Variants in LPGAT1 observed in about 807,000 individuals in gnomAD.
The protein encoded by LPGAT1 is acyl-CoA:lysophosphatidylglycerol acyltransferase 1.
LPGAT1 carries 11 observed loss-of-function variants against 47.5 expected under a neutral mutation model. The ratio of observed to expected loss-of-function variants is 0.23; its 90% CI spans 0.15 to 0.38. The LOEUF (loss-of-function observed/expected upper bound fraction) is 0.38, where lower values mean the gene tolerates loss of function less well. Among genes scored for constraint, LPGAT1 ranks in the 10% least tolerant of loss-of-function variants. LPGAT1 has a pLI of 1.00. For synonymous variants in LPGAT1, 138 were observed against 144.2 expected, an observed-to-expected ratio of 0.96 and a Z score of 0.31; for missense variants, 293 against 439.0, an observed-to-expected ratio of 0.67 and a Z score of 2.97.
At chr1:211,755,575 G>A (rs989178285) in intron 6 of LPGAT1, among the ~76,000 whole-genome samples, 4 of 151,416 alleles carry the variant, frequency 2.6e-5, no homozygotes, top group Admixed American at 1.3e-4. Flanking sequence ...AAAGAAGGAA[G>A]GAGTGTGGCA....
chr1:211,752,786 G>A (rs1052789464), intron 6 of LPGAT1, among the ~76,000 whole-genome samples: 7 of 152,164 alleles, frequency 4.6e-5, no homozygotes, highest in African/African-American at 1.7e-4. Context: ...TTGGAATACT[G>A]ACTTCCAATT....
intron 3 of LPGAT1, among the ~76,000 whole-genome samples, chr1:211,791,009 A>T (rs1272399646): frequency 6.6e-6 from 1 of 152,204 alleles, no homozygotes; most frequent in Non-Finnish European, 1.5e-5. Context: ...CAAAATTTTA[A>T]CGTCATGAAC....
At chr1:211,828,985 G>A in intron 2 of LPGAT1, 74 bp downstream of exon 2, 2 of 1,477,104 alleles carry the variant, frequency 1.4e-6, no homozygotes, top group Admixed American at 1.9e-5. Context: ...TCAACCCAAA[G>A]TGTAATATAC....
chr1:211,759,998 G>C (rs1245631169), intron 6 of LPGAT1, among the ~76,000 whole-genome samples: 1 of 152,182 alleles, frequency 6.6e-6, no homozygotes, highest in Non-Finnish European at 1.5e-5. Flanking sequence ...ATTTTCATTA[G>C]CAACTTGTGA....
At chr1:211,827,903 C>T (rs569531391) in intron 2 of LPGAT1, among the ~76,000 whole-genome samples, 6 of 152,282 alleles carry the variant, frequency 3.9e-5, no homozygotes, top group East Asian at 3.9e-4. Context: ...TAAATAAATG[C>T]CACTGCCTGA....
intron 6 of LPGAT1, among the ~76,000 whole-genome samples, chr1:211,757,546 G>A (rs552294301): frequency 2.0e-5 from 3 of 152,244 alleles, no homozygotes; most frequent in South Asian, 2.1e-4. Context: ...AGGTTTTTTG[G>A]GTTCAGCAAT....
chr1:211,782,305 ATCT>A (rs1227030305), intron 5 of LPGAT1, among the ~76,000 whole-genome samples: 1 of 152,206 alleles, frequency 6.6e-6, no homozygotes, highest in Non-Finnish European at 1.5e-5. Context: ...ATTATAAATA[ATCT>A]GTAATAAACT....
At chr1:211,815,773 C>CTTT (rs938719098) in intron 2 of LPGAT1, among the ~76,000 whole-genome samples, 129 of 101,840 alleles carry the variant, frequency 1.3e-3, no homozygotes, top group East Asian at 2.1e-3. Flanking sequence ...AAATGCTTTT[C>CTTT]TTTTTTTTTT....
chr1:211,827,414 C>A (rs564951598), intron 2 of LPGAT1, among the ~76,000 whole-genome samples: 1 of 152,312 alleles, frequency 6.6e-6, no homozygotes, highest in African/African-American at 2.4e-5. Context: ...CCACTGCACT[C>A]CCAATCTCAA....
Position 211,806,230 on chromosome 1 carries a change from A to C in LPGAT1, c.239-13040T>G, listed in dbSNP as rs937163055. On this transcript the variant is annotated intron_variant, in intron 2 of 7. Coordinates refer to ENST00000366997, the MANE Select transcript of LPGAT1 (RefSeq NM_014873.3). ...AGCCGAGATTGAGCCACTGTATTAC[A>C]GCCTGGGAAACAGGGCGAGGGTCTG... 2.0e-5 allele frequency among the ~76,000 whole-genome samples: 3 copies of C among 151,476 alleles called. No homozygotes were observed. In the South Asian group the frequency reaches 6.3e-4, roughly 32 times the overall value.
Position 211,830,422 on chromosome 1 carries a change from C to T in LPGAT1, c.-28+151G>A. 4 of 1,176,042 alleles carry T rather than the reference C, an allele frequency of 3.4e-6. No homozygotes were observed. The highest frequency in any genetic ancestry group is 4.2e-6 in the Non-Finnish European group (4 of 950,422). 72.9% of individuals were successfully genotyped at this position (1,176,042 alleles called of 1,614,324 possible). A position where few individuals can be genotyped will look rare whatever the true frequency, so the allele number is the denominator to read the frequency against. On this transcript the variant is annotated intron_variant, in intron 1 of 7. Coordinates refer to ENST00000366997, the MANE Select transcript of LPGAT1 (RefSeq NM_014873.3). The surrounding 1 kb of genome is among the most constrained non-coding windows in gnomAD (Gnocchi z 5.9). ...GGGCGGATGCCCCGCGCCCCCGCCT[C>T]CTCCCCGGGGCCTACCGCGCCCTCG...
At chr1:211,824,267 A>G (rs1660463315) in intron 2 of LPGAT1, among the ~76,000 whole-genome samples, 1 of 152,050 alleles carries the variant, frequency 6.6e-6, no homozygotes, top group African/African-American at 2.4e-5. Context: ...ACGGTGGTGG[A>G]TACCTGTAAT....
At position 211,759,273 on chromosome 1, in the gene LPGAT1, GT is replaced by G. The variant is rs529927493; in HGVS notation, c.855-8207del. Among the ~76,000 whole-genome samples the G allele has an allele frequency of 2.4e-3, 370 of 151,304 alleles. 2 individuals are homozygous for G. Among genetic ancestry groups the G allele is most frequent in the African/African-American group, 8.3e-3 (343 of 41,398 alleles). On this transcript the variant is annotated intron_variant, in intron 6 of 7. Transcript: ENST00000366997. ...AATGTCCTTTTACTATTTTGTTTTG[GT>G]TTTTTTAGAGACGGGGTCTTGCTGT...
intron 6 of LPGAT1, among the ~76,000 whole-genome samples, chr1:211,761,358 G>A (rs1394689257): frequency 6.6e-6 from 1 of 152,112 alleles, no homozygotes; most frequent in Non-Finnish European, 1.5e-5. Context: ...AAGTATTGGG[G>A]TGTAGCAATG....
At chr1:211,814,245 C>G (rs17653441) in intron 2 of LPGAT1, among the ~76,000 whole-genome samples, 3,276 of 152,300 alleles carry the variant, frequency 0.022, 36 homozygotes, top group Non-Finnish European at 0.023. Flanking sequence ...GAGGAAATCT[C>G]AGCCCAATAG....
At chr1:211,776,556 T>C (rs1250875511) in intron 6 of LPGAT1, among the ~76,000 whole-genome samples, 1 of 152,104 alleles carries the variant, frequency 6.6e-6, no homozygotes, top group Admixed American at 6.6e-5. Flanking sequence ...AGTACTGACT[T>C]GCCCAGCTAT....
chr1:211,755,525 A>C (rs114025674), intron 6 of LPGAT1, among the ~76,000 whole-genome samples: 24 of 151,564 alleles, frequency 1.6e-4, no homozygotes, highest in African/African-American at 5.3e-4. Flanking sequence ...GTATTTTAAA[A>C]CCCAAATTTA....
At chr1:211,806,856 G>A (rs1005625345) in intron 2 of LPGAT1, among the ~76,000 whole-genome samples, 1 of 152,058 alleles carries the variant, frequency 6.6e-6, no homozygotes, top group Non-Finnish European at 1.5e-5. Context: ...GTAGTATTTA[G>A]AATGCTTCTC....
intron 6 of LPGAT1, among the ~76,000 whole-genome samples, chr1:211,760,027 G>T (rs1307383017): frequency 6.6e-6 from 1 of 152,206 alleles, no homozygotes; most frequent in Non-Finnish European, 1.5e-5. Context: ...CTTACTGAAA[G>T]ATTTTTAAAT....
Sources: allele counts gnomAD v4.1 joint callset (sites outside exome capture counted in the v4.1 genomes callset), GRCh38; gene constraint gnomAD v4.1.1; non-coding constraint Gnocchi (gnomAD v3.1); transcripts MANE v1.5; gene names NCBI Gene and HGNC (gene_info 2026-07-23, HGNC 2026-07-21).